MAGI2: variants seen among roughly 807,000 people sequenced by gnomAD.
The protein encoded by MAGI2 is membrane-associated guanylate kinase, WW and PDZ domain-containing protein 2.
In MAGI2, 35 loss-of-function variants were observed where a neutral mutation model predicts 133.3. That is an observed-to-expected ratio of 0.26 (90% CI 0.20 to 0.35). MAGI2 has a LOEUF of 0.35. MAGI2 is among the 10% of genes least tolerant of loss of function. The probability of loss-of-function intolerance (pLI) is 1.00; values close to 1 mark genes in which losing one functional copy is unlikely to be tolerated. For synonymous variants in MAGI2, 729 were observed against 710.6 expected (o/e 1.03, Z -0.41); for missense variants, 1,636 against 1,863.4 (o/e 0.88, Z 2.25).
At chr7:79,283,765 A>C (rs1343894689) in intron 1 of MAGI2, among the ~76,000 whole-genome samples, 1 of 152,084 alleles carries the variant, frequency 6.6e-6, no homozygotes, top group Non-Finnish European at 1.5e-5. Context: ...CTTGCTGTTT[A>C]GATTATTTTA....
chr7:78,920,644 C>T (rs77205149), intron 2 of MAGI2, among the ~76,000 whole-genome samples: 1 of 152,076 alleles, frequency 6.6e-6, no homozygotes, highest in Non-Finnish European at 1.5e-5. Context: ...TCATTATGGT[C>T]TTATTTTATA....
At chr7:79,213,660 A>G (rs1829708755) in intron 1 of MAGI2, among the ~76,000 whole-genome samples, 1 of 152,094 alleles carries the variant, frequency 6.6e-6, no homozygotes, top group African/African-American at 2.4e-5. Context: ...ATATGTGTGT[A>G]AAAAATGTGT....
chr7:78,426,707 A>T (rs1799315921), intron 6 of MAGI2, among the ~76,000 whole-genome samples: 1 of 152,188 alleles, frequency 6.6e-6, no homozygotes, highest in Non-Finnish European at 1.5e-5. Flanking sequence ...GAAATTCCTG[A>T]AGGTGAGGAG....
chr7:78,646,205 C>A (rs1313352850), intron 2 of MAGI2, among the ~76,000 whole-genome samples: 2 of 152,082 alleles, frequency 1.3e-5, no homozygotes, highest in Non-Finnish European at 2.9e-5. Flanking sequence ...GTGAAAAGAT[C>A]TGGGCAAAGA....
intron 2 of MAGI2, among the ~76,000 whole-genome samples, chr7:78,807,973 G>A (rs374987022): frequency 1.3e-5 from 2 of 152,082 alleles, no homozygotes; most frequent in Admixed American, 1.3e-4. Context: ...GGCTGACTTC[G>A]ATACTCCTTA....
intron 20 of MAGI2, among the ~76,000 whole-genome samples, chr7:78,121,743 G>C (rs1323221936): frequency 6.6e-6 from 1 of 152,150 alleles, no homozygotes; most frequent in East Asian, 1.9e-4. Context: ...AGAAAGTCTT[G>C]CATAGGTACA....
intron 1 of MAGI2, among the ~76,000 whole-genome samples, chr7:79,065,920 A>G (rs1457744691): frequency 6.6e-6 from 1 of 152,164 alleles, no homozygotes; most frequent in Non-Finnish European, 1.5e-5. Context: ...ATAGTATTCC[A>G]TGGTGTATAT....
intron 6 of MAGI2, among the ~76,000 whole-genome samples, chr7:78,425,996 A>T (rs1296600268): frequency 6.6e-6 from 1 of 152,230 alleles, no homozygotes; most frequent in African/African-American, 2.4e-5. Context: ...TTAAGAGAAA[A>T]ATCAGTCAAC....
At chr7:79,098,452 T>C (rs2060703222) in intron 1 of MAGI2, among the ~76,000 whole-genome samples, 1 of 152,238 alleles carries the variant, frequency 6.6e-6, no homozygotes, top group Admixed American at 6.5e-5. Flanking sequence ...GCTACATTAA[T>C]GTTAGCTCTT....
chr7:78,129,064 C>T (rs1225952352), intron 18 of MAGI2, among the ~76,000 whole-genome samples: 1 of 152,200 alleles, frequency 6.6e-6, no homozygotes, highest in Non-Finnish European at 1.5e-5. Flanking sequence ...AGCATAGTCA[C>T]TTTATTTCCA....
rs768876961 is a variant in MAGI2 at position 79,007,225 on chromosome 7, T to C, written c.302-19A>G. ...ATTCCTCCTAAAAATAAAAAAAGTT[T>C]CTTGGTAAGGGATGTTGGAAAATAT... On this transcript the variant is annotated intron_variant, in intron 1 of 21. Transcript: ENST00000354212. 2.1e-6 allele frequency: 3 copies of C among 1,458,538 alleles called. No individual in the cohort carries two copies. Among genetic ancestry groups the C allele is most frequent in the Admixed American group, 1.8e-5 (1 of 55,706 alleles). 90.3% of individuals were successfully genotyped at this position (1,458,538 alleles called of 1,614,324 possible).
intron 9 of MAGI2, among the ~76,000 whole-genome samples, chr7:78,289,893 G>A (rs1303670057): frequency 6.6e-6 from 1 of 152,106 alleles, no homozygotes; most frequent in Non-Finnish European, 1.5e-5. Context: ...TTACAGACAA[G>A]CAAATGCTGA....
At chr7:78,995,301 T>C (rs1047277501) in intron 2 of MAGI2, among the ~76,000 whole-genome samples, 1 of 152,276 alleles carries the variant, frequency 6.6e-6, no homozygotes, top group Admixed American at 6.5e-5. Flanking sequence ...GTTTAGATAA[T>C]GTAGATTCCT....
chr7:78,849,323 G>A (rs1792919312), intron 2 of MAGI2, among the ~76,000 whole-genome samples: 2 of 151,970 alleles, frequency 1.3e-5, no homozygotes, highest in African/African-American at 4.8e-5. Context: ...ATATGGAATA[G>A]CAAAAACAAA....
intron 2 of MAGI2, among the ~76,000 whole-genome samples, chr7:78,702,196 C>T (rs1818151186): frequency 6.6e-6 from 1 of 151,872 alleles, no homozygotes; most frequent in Non-Finnish European, 1.5e-5. Flanking sequence ...TATTCATTTG[C>T]CAAAGTTTGA....
At chr7:78,245,726 ACCTGCAGTCCTCACCACTGGGGACT>A (rs532027120) in intron 10 of MAGI2, among the ~76,000 whole-genome samples, 118 of 152,194 alleles carry the variant, frequency 7.8e-4, no homozygotes, top group Middle Eastern at 3.4e-3. Context: ...CACCTTGGAC[ACCTGCAGTCCTCACCACTGGGGACT>A]CCTGCAGTCC....
At chr7:78,310,151 T>C (rs1043331791) in intron 9 of MAGI2, among the ~76,000 whole-genome samples, 13 of 152,196 alleles carry the variant, frequency 8.5e-5, no homozygotes, top group African/African-American at 3.1e-4. Flanking sequence ...AAAAGTACAT[T>C]AGTGGCCAGG....
chr7:78,989,837 A>T (rs1221883672), intron 2 of MAGI2, among the ~76,000 whole-genome samples: 1 of 151,936 alleles, frequency 6.6e-6, no homozygotes, highest in Non-Finnish European at 1.5e-5. Context: ...ACTGTCACAG[A>T]ACAACTCAGC....
At chr7:79,303,962 A>T (rs1004879080) in intron 1 of MAGI2, among the ~76,000 whole-genome samples, 9 of 152,114 alleles carry the variant, frequency 5.9e-5, no homozygotes, top group Non-Finnish European at 1.3e-4. Flanking sequence ...TGTGTGTCTC[A>T]TATATCCTGT....
Sources: allele counts gnomAD v4.1 joint callset (sites outside exome capture counted in the v4.1 genomes callset), GRCh38; gene constraint gnomAD v4.1.1; transcripts MANE v1.5; gene names NCBI Gene and HGNC (gene_info 2026-07-23, HGNC 2026-07-21).